GCFC2: variants seen among roughly 807,000 people sequenced by gnomAD.
The protein encoded by GCFC2 is GC-rich sequence DNA-binding factor 2.
A neutral mutation model predicts 99.4 loss-of-function variants in GCFC2; 102 were observed. The ratio of observed to expected loss-of-function variants is 1.03; its 90% CI spans 0.87 to 1.21. The LOEUF (loss-of-function observed/expected upper bound fraction) is 1.21. Among genes scored for constraint, GCFC2 ranks in the 50% most tolerant of loss-of-function variants. The pLI, the probability that GCFC2 is intolerant of heterozygous loss-of-function variation, is 0.00. For missense variants in GCFC2, 973 were observed against 920.9 expected (o/e 1.06, Z -0.73); for synonymous variants, 338 against 316.8 (o/e 1.07, Z -0.71).
intron 1 of GCFC2, among the ~76,000 whole-genome samples, chr2:75,708,319 A>G (rs1680962987): frequency 6.6e-6 from 1 of 152,014 alleles, no homozygotes; most frequent in South Asian, 2.1e-4. Flanking sequence ...TTTTTTTGGT[A>G]TTGTACAATA....
Position 75,710,447 on chromosome 2 carries a change from C to G in GCFC2, c.265+144G>C, listed in dbSNP as rs1003958965. Reference sequence around the variant, plus strand: ...GAGCTATTTTCTCGCTCACTACCTTCTGGATAAGTCTTTCTGGATAAGACT... The same window carrying G: ...GAGCTATTTTCTCGCTCACTACCTTGTGGATAAGTCTTTCTGGATAAGACT... On this transcript the variant is annotated intron_variant, in intron 1 of 16. Transcript: ENST00000321027. The G allele has an allele frequency of 4.4e-6, 6 of 1,371,666 alleles. No homozygotes were observed. The African/African-American group carries it at 4.6e-5, about 11-fold the overall frequency. 85.0% of individuals were successfully genotyped at this position (1,371,666 alleles called of 1,614,324 possible). A position where few individuals can be genotyped will look rare whatever the true frequency, so the allele number is the denominator to read the frequency against.
chr2:75,671,104 CTT>C (rs1377260033), intron 14 of GCFC2, among the ~76,000 whole-genome samples: 2 of 152,192 alleles, frequency 1.3e-5, no homozygotes, highest in Non-Finnish European at 2.9e-5. Context: ...ATTTAACACT[CTT>C]TTCTTCATTC....
intron 12 of GCFC2, chr2:75,679,795 C>T: frequency 2.5e-6 from 1 of 401,112 alleles, no homozygotes; most frequent in Non-Finnish European, 4.4e-6. Flanking sequence ...TATTCATAAT[C>T]CTGAAAGATG....
chr2:75,690,043 C>T lies in GCFC2; in HGVS notation c.1265G>A (p.Cys422Tyr). ...RRQARVLSGN[C>Y]NHQEGTSSDD... ...ACTAGATGTTCCTTCCTGATGGTTACAATTCCCAGAAAGCACCCTTGCTTG... is the reference window on the plus strand; with the variant it reads ...ACTAGATGTTCCTTCCTGATGGTTATAATTCCCAGAAAGCACCCTTGCTTG... Residue 422 changes from cysteine (C) to tyrosine (Y), a missense_variant, in exon 9 of 17, where the codon TGT (cysteine) becomes TAT (tyrosine). Cys to Tyr is a radical substitution (Grantham distance 194). Transcript: ENST00000321027. 1 of 1,608,370 alleles carries T rather than the reference C, an allele frequency of 6.2e-7. No homozygotes were observed. Among genetic ancestry groups the T allele is most frequent in the South Asian group, 1.1e-5 (1 of 90,450 alleles).
At chr2:75,690,314 A>G (rs1225833711) in intron 8 of GCFC2, among the ~76,000 whole-genome samples, 1 of 152,122 alleles carries the variant, frequency 6.6e-6, no homozygotes, top group Non-Finnish European at 1.5e-5. Flanking sequence ...GTTTTCTCTT[A>G]TAAGACATTC....
intron 12 of GCFC2, 78 bp from the exon 13 acceptor site, chr2:75,673,598 A>C (rs925989800): frequency 1.4e-6 from 1 of 689,984 alleles, no homozygotes; most frequent in Admixed American, 2.5e-5. Flanking sequence ...TTTTAACTGC[A>C]GTACAAATTT....
At chr2:75,696,645 T>C (rs568694439) in intron 4 of GCFC2, among the ~76,000 whole-genome samples, 1 of 152,328 alleles carries the variant, frequency 6.6e-6, no homozygotes, top group East Asian at 1.9e-4. Flanking sequence ...ATTTGTGGAG[T>C]AGACAGACCT....
intron 1 of GCFC2, among the ~76,000 whole-genome samples, chr2:75,709,840 A>G (rs1681054666): frequency 6.6e-6 from 1 of 152,256 alleles, no homozygotes; most frequent in Non-Finnish European, 1.5e-5. Flanking sequence ...AATAAAAATC[A>G]CTTTAATGAC....
chr2:75,687,688 A>G, intron 11 of GCFC2, 139 bp downstream of exon 11: 1 of 687,908 alleles, frequency 1.5e-6, no homozygotes, highest in Non-Finnish European at 2.4e-6. Flanking sequence ...TACATTTGAC[A>G]GCTGTTGATT....
intron 9 of GCFC2, among the ~76,000 whole-genome samples, 168 bp downstream of exon 9, chr2:75,689,801 C>G (rs889749811): frequency 2.6e-5 from 4 of 152,076 alleles, no homozygotes; most frequent in African/African-American, 4.8e-5. Context: ...TCATTTTACT[C>G]CATTTTTTCA....
intron 2 of GCFC2, among the ~76,000 whole-genome samples, chr2:75,704,883 C>A (rs1482494057): frequency 2.0e-5 from 3 of 152,190 alleles, no homozygotes; most frequent in Non-Finnish European, 2.9e-5. Context: ...ACCATTTTGG[C>A]CAGGTTGGTC....
At chr2:75,690,204 A>T in intron 8 of GCFC2, 123 bp from the exon 9 acceptor site, 1 of 647,714 alleles carries the variant, frequency 1.5e-6, no homozygotes, top group Non-Finnish European at 2.8e-6. Flanking sequence ...TTAAATGGCC[A>T]GAAATATACT....
chr2:75,685,360 T>A (rs1300421162), intron 11 of GCFC2, among the ~76,000 whole-genome samples: 1 of 152,244 alleles, frequency 6.6e-6, no homozygotes. Context: ...TCCCTTTAAT[T>A]AGGCCTTATC....
At chr2:75,706,677 C>T in intron 1 of GCFC2, 26 bp from the exon 2 acceptor site, 1 of 1,482,496 alleles carries the variant, frequency 6.7e-7, no homozygotes, top group Non-Finnish European at 9.3e-7. Context: ...AAAAATACAA[C>T]AAAAAAGAGT....
chr2:75,668,327 A>G (rs1381160687), intron 15 of GCFC2, among the ~76,000 whole-genome samples: 5 of 152,102 alleles, frequency 3.3e-5, no homozygotes, highest in African/African-American at 9.7e-5. Flanking sequence ...TAGAATGCAT[A>G]TAAGTGCTAA....
chr2:75,673,434 CA>C lies in GCFC2; in HGVS notation c.1889+9del. On this transcript the variant is annotated intron_variant, in intron 13 of 16. Coordinates refer to ENST00000321027, the MANE Select transcript of GCFC2 (RefSeq NM_003203.5). ...CTATTTCCAACAATCTAGAAATTAA[CA>C]GCGCTTACCTCTTTGGATACAGAGG... 1 of 1,203,832 alleles carries C rather than the reference CA, an allele frequency of 8.3e-7. No homozygotes were observed. The highest frequency in any genetic ancestry group is 1.7e-5 in the Admixed American group (1 of 57,454). 74.6% of individuals were successfully genotyped at this position (1,203,832 alleles called of 1,614,324 possible).
chr2:75,667,008 G>T (rs914568669), intron 15 of GCFC2, among the ~76,000 whole-genome samples: 2 of 152,108 alleles, frequency 1.3e-5, no homozygotes, highest in African/African-American at 4.8e-5. Context: ...CTCATCTTTA[G>T]CTAGGGACTA....
At chr2:75,712,001 C>G (rs886901998), upstream of GCFC2, among the ~76,000 whole-genome samples, 1 of 152,264 alleles carries the variant, frequency 6.6e-6, no homozygotes, top group African/African-American at 2.4e-5. Flanking sequence ...CCTGCAGCCC[C>G]GGTGCGGGAT....
chr2:75,666,170 G>A, intron 15 of GCFC2, 117 bp from the exon 16 acceptor site: 3 of 714,356 alleles, frequency 4.2e-6, no homozygotes, highest in South Asian at 5.8e-5. Flanking sequence ...ATAGTTTATG[G>A]TTAAATAAAA....
Sources: allele counts gnomAD v4.1 joint callset (sites outside exome capture counted in the v4.1 genomes callset), GRCh38; gene constraint gnomAD v4.1.1; transcripts MANE v1.5; gene names NCBI Gene and HGNC (gene_info 2026-07-23, HGNC 2026-07-21).